The following SLC26A7 variants were observed in gnomAD, a reference collection of about 807,000 sequenced individuals.
SLC26A7 encodes anion exchange transporter.
A neutral mutation model predicts 82.5 loss-of-function variants in SLC26A7; 59 were observed. That is an observed-to-expected ratio of 0.72 (90% CI 0.58 to 0.89). The LOEUF (loss-of-function observed/expected upper bound fraction) is 0.89. Among genes scored for constraint, SLC26A7 ranks in the 40% least tolerant of loss-of-function variants. The probability of loss-of-function intolerance (pLI) is 0.00; values close to 1 mark genes in which losing one functional copy is unlikely to be tolerated. For missense variants in SLC26A7, 820 were observed against 793.0 expected, an observed-to-expected ratio of 1.03 and a Z score of -0.41; for synonymous variants, 271 against 274.3, an observed-to-expected ratio of 0.99 and a Z score of 0.12.
Position 91,356,810 on chromosome 8 carries a change from T to A in SLC26A7, c.1314+3814T>A, listed in dbSNP as rs868848316. On this transcript the variant is annotated intron_variant, in intron 11 of 18. Coordinates refer to ENST00000276609, the MANE Select transcript of SLC26A7 (RefSeq NM_052832.4). ...TTTATTCATTATTTTATTTCTTTAT[T>A]TTCCTCATTTCCATGAATAGGGCCC... Among the ~76,000 whole-genome samples, 59 of 152,218 alleles carry A rather than the reference T, an allele frequency of 3.9e-4. 1 individual carries two copies. The highest frequency in any genetic ancestry group is 1.4e-3 in the African/African-American group (59 of 41,462).
At chr8:91,266,368 C>T (rs777123991) in intron 2 of SLC26A7, among the ~76,000 whole-genome samples, 3 of 151,804 alleles carry the variant, frequency 2.0e-5, no homozygotes, top group Non-Finnish European at 4.4e-5. Flanking sequence ...AATTTATGAA[C>T]ATGGGATGCC....
chr8:91,377,603 T>A (rs1814552416), intron 15 of SLC26A7, among the ~76,000 whole-genome samples: 1 of 152,156 alleles, frequency 6.6e-6, no homozygotes, highest in African/African-American at 2.4e-5. Context: ...AGGGCACACA[T>A]GTGTGAGCTG....
chr8:91,275,068 A>G (rs1811371646), intron 2 of SLC26A7, among the ~76,000 whole-genome samples: 2 of 152,050 alleles, frequency 1.3e-5, no homozygotes, highest in Admixed American at 1.3e-4. Flanking sequence ...CACTTCTCTT[A>G]TCTCCCTCAC....
chr8:91,331,307 C>A (rs1185716108), intron 5 of SLC26A7, among the ~76,000 whole-genome samples: 1 of 152,090 alleles, frequency 6.6e-6, no homozygotes, highest in Non-Finnish European at 1.5e-5. Flanking sequence ...ACAGGAAGGT[C>A]TTTCCATGTC....
intron 15 of SLC26A7, among the ~76,000 whole-genome samples, chr8:91,386,525 T>A (rs561062074): frequency 6.4e-4 from 97 of 152,336 alleles, no homozygotes; most frequent in African/African-American, 2.0e-3. Context: ...TATTTTAAGA[T>A]GTATTGTCAA....
chr8:91,248,675 C>T (rs1810582647), upstream of SLC26A7, among the ~76,000 whole-genome samples: 1 of 151,976 alleles, frequency 6.6e-6, no homozygotes, highest in African/African-American at 2.4e-5. Context: ...AAAAGTTATA[C>T]AAAAAGAAGG....
At position 91,211,928 on chromosome 8, in the gene SLC26A7, AATT is replaced by A. The variant is rs548572449; in HGVS notation, c.-150+2389_-150+2391del. 5.9e-5 allele frequency among the ~76,000 whole-genome samples: 9 copies of A among 152,178 alleles called. No homozygotes were observed. In the South Asian group the frequency reaches 1.0e-3, roughly 18 times the overall value. ...ATTGCTTCTATTCAGGTGAATGTAA[AATT>A]ATGTCATGCTTGCTTTAATGAAATA... On this transcript the variant is annotated intron_variant, in intron 1 of 5. Coordinates refer to the SLC26A7 transcript ENST00000522862.
intron 1 of SLC26A7, among the ~76,000 whole-genome samples, chr8:91,212,093 A>G (rs1027944672): frequency 6.6e-6 from 1 of 152,170 alleles, no homozygotes; most frequent in Non-Finnish European, 1.5e-5. Flanking sequence ...AGTCCTTAGC[A>G]ATTACAAAAT....
chr8:91,371,079 CTA>C (rs1461748738), intron 15 of SLC26A7, among the ~76,000 whole-genome samples: 5 of 151,796 alleles, frequency 3.3e-5, no homozygotes, highest in Non-Finnish European at 4.4e-5. Flanking sequence ...TTCAAAATAA[CTA>C]TGTTCTTTTT....
upstream of SLC26A7, among the ~76,000 whole-genome samples, chr8:91,245,942 C>T (rs897094191): frequency 6.6e-6 from 1 of 152,182 alleles, no homozygotes; most frequent in African/African-American, 2.4e-5. Flanking sequence ...TCCTTTATTT[C>T]TTCCGCATTT....
intron 9 of SLC26A7, among the ~76,000 whole-genome samples, chr8:91,351,523 A>G (rs946206105): frequency 3.9e-5 from 6 of 152,172 alleles, no homozygotes; most frequent in African/African-American, 1.4e-4. Context: ...AAAAGCCATC[A>G]CTGTGATTGT....
At chr8:91,277,800 T>C (rs1028242628) in intron 2 of SLC26A7, among the ~76,000 whole-genome samples, 1 of 152,174 alleles carries the variant, frequency 6.6e-6, no homozygotes, top group Non-Finnish European at 1.5e-5. Context: ...TAAAATAAAA[T>C]ATTTTAATGT....
At position 91,372,991 on chromosome 8, in the gene SLC26A7, A is replaced by G. The variant is rs564827752; in HGVS notation, c.1675+3158A>G. 4.6e-5 allele frequency among the ~76,000 whole-genome samples: 7 copies of G among 151,790 alleles called. No individual in the cohort carries two copies. In the South Asian group the frequency reaches 1.0e-3, roughly 22 times the overall value. ...TATTTTATTTTTTTGTGGCAGTTGT[A>G]AATAGGATTGAGTTCTTGATTTGGT... On this transcript the variant is annotated intron_variant, in intron 15 of 18. Transcript: ENST00000276609.
chr8:91,391,656 A>G (rs1419077184), intron 16 of SLC26A7, among the ~76,000 whole-genome samples: 1 of 152,180 alleles, frequency 6.6e-6, no homozygotes, highest in Admixed American at 6.5e-5. Context: ...AGAGTCTCTT[A>G]TAATTGTGTG....
At chr8:91,369,907 C>T (rs1814306439) in intron 15 of SLC26A7, 74 bp downstream of exon 15, 1 of 1,142,568 alleles carries the variant, frequency 8.8e-7, no homozygotes, top group Non-Finnish European at 1.3e-6. Flanking sequence ...AATCTTCTTC[C>T]CCTTCTCCTC....
Position 91,249,565 on chromosome 8 carries a change from T to C in SLC26A7, c.-87T>C. The C allele has an allele frequency of 9.2e-7, 1 of 1,087,994 alleles. No individual in the cohort carries two copies. Among genetic ancestry groups the C allele is most frequent in the South Asian group, 2.4e-5 (1 of 41,758 alleles). The allele number at this position is 1,087,994 out of a possible 1,614,324, so 67.4% of individuals were successfully genotyped here. A position where few individuals can be genotyped will look rare whatever the true frequency, so the allele number is the denominator to read the frequency against. On this transcript the variant is annotated 5_prime_UTR_variant, in exon 2 of 19. Coordinates refer to ENST00000276609, the MANE Select transcript of SLC26A7 (RefSeq NM_052832.4). Reference sequence around the variant, plus strand: ...TTTGACATTGTAAACCACAGACGAATTGGAGCTTGGCATTGAAAGGAGGTG... The same window carrying C: ...TTTGACATTGTAAACCACAGACGAACTGGAGCTTGGCATTGAAAGGAGGTG...
chr8:91,211,846 G>A (rs1481948803), intron 1 of SLC26A7, among the ~76,000 whole-genome samples: 4 of 151,888 alleles, frequency 2.6e-5, no homozygotes, highest in African/African-American at 7.2e-5. Context: ...GACACTGGAT[G>A]ATAAATGGGT....
chr8:91,381,012 A>T (rs1814656971), intron 15 of SLC26A7, among the ~76,000 whole-genome samples: 1 of 152,100 alleles, frequency 6.6e-6, no homozygotes, highest in South Asian at 2.1e-4. Context: ...CTTATAAACA[A>T]TGTTGGGGAA....
chr8:91,395,046 T>C lies in SLC26A7; in HGVS notation c.1936-16T>C. The C allele has an allele frequency of 6.2e-7, 1 of 1,612,998 alleles. No individual in the cohort carries two copies. The highest frequency in any genetic ancestry group is 8.5e-7 in the Non-Finnish European group (1 of 1,179,034). The stretch of plus-strand genomic sequence containing the variant: ...GAGTAAATAGCACATACTTACTTCT[T>C]CCTCTGGTATTTCAGAATTTGAGCA... On this transcript the variant is annotated splice_polypyrimidine_tract_variant and intron_variant, in intron 18 of 18. Transcript: ENST00000276609.
Sources: gnomAD v4.1 joint callset for allele counts (sites outside exome capture counted in the v4.1 genomes callset) on GRCh38, gnomAD v4.1.1 for gene constraint, MANE v1.5 for transcripts, NCBI Gene and HGNC (gene_info 2026-07-23, HGNC 2026-07-21) for gene names.